SLC24A2: variants seen among roughly 807,000 people sequenced by gnomAD.
SLC24A2 encodes sodium/potassium/calcium exchanger 2.
A neutral mutation model predicts 62.0 loss-of-function variants in SLC24A2; 36 were observed. That is an observed-to-expected ratio of 0.58 (90% CI 0.44 to 0.77). The LOEUF (loss-of-function observed/expected upper bound fraction) is 0.77, where lower values mean the gene tolerates loss of function less well. Among genes scored for constraint, SLC24A2 ranks in the 30% least tolerant of loss-of-function variants. The probability of loss-of-function intolerance (pLI) is 0.00; values close to 1 mark genes in which losing one functional copy is unlikely to be tolerated. For missense variants in SLC24A2, 846 were observed against 817.9 expected (o/e 1.03, Z -0.42); for synonymous variants, 358 against 294.0 (o/e 1.22, Z -2.23).
the SLC24A2 span, among the ~76,000 whole-genome samples, chr9:20,055,084 C>T: frequency 2.0e-5 from 3 of 152,124 alleles, no homozygotes; most frequent in Non-Finnish European, 4.4e-5. Context: ...ATTTGAGGGG[C>T]AGGAATGTAT....
At chr9:19,689,270 A>G (rs141019079) in intron 2 of SLC24A2, among the ~76,000 whole-genome samples, 27 of 152,284 alleles carry the variant, frequency 1.8e-4, no homozygotes, top group African/African-American at 6.5e-4. Context: ...CTCCCGAAGA[A>G]GGAAAAAAAG....
At chr9:19,607,175 C>T (rs1041437982) in intron 4 of SLC24A2, among the ~76,000 whole-genome samples, 4 of 152,140 alleles carry the variant, frequency 2.6e-5, no homozygotes, top group South Asian at 4.1e-4. Flanking sequence ...ATACACATTT[C>T]GAATAGGAAG....
At chr9:20,214,967 A>G in the SLC24A2 span, among the ~76,000 whole-genome samples, 1 of 152,256 alleles carries the variant, frequency 6.6e-6, no homozygotes, top group South Asian at 2.1e-4. Flanking sequence ...ATCCCTGTAC[A>G]TCTAATTCTA....
At chr9:19,685,570 T>C (rs1819856492) in intron 2 of SLC24A2, among the ~76,000 whole-genome samples, 1 of 151,698 alleles carries the variant, frequency 6.6e-6, no homozygotes, top group Non-Finnish European at 1.5e-5. Flanking sequence ...CATAGATCTA[T>C]GGACACATAG....
the SLC24A2 span, among the ~76,000 whole-genome samples, chr9:20,083,624 T>C: frequency 6.6e-6 from 1 of 152,238 alleles, no homozygotes; most frequent in Non-Finnish European, 1.5e-5. Context: ...TACCATTTAG[T>C]AGCATTTAGA....
chr9:20,086,914 T>A, the SLC24A2 span, among the ~76,000 whole-genome samples: 2 of 152,250 alleles, frequency 1.3e-5, no homozygotes, highest in Non-Finnish European at 2.9e-5. Context: ...TTTGAGTTTT[T>A]GACACACAGG....
intron 4 of SLC24A2, among the ~76,000 whole-genome samples, chr9:19,619,196 C>CT (rs1215841042): frequency 6.6e-6 from 1 of 152,198 alleles, no homozygotes; most frequent in African/African-American, 2.4e-5. Context: ...CTTTTTCTCT[C>CT]TTTTTTAAGG....
At chr9:20,237,482 G>C in the SLC24A2 span, among the ~76,000 whole-genome samples, 4 of 152,190 alleles carry the variant, frequency 2.6e-5, no homozygotes, top group African/African-American at 9.7e-5. Context: ...TCTCAAAGCT[G>C]TTCCTAGGGA....
chr9:20,162,663 C>T, the SLC24A2 span, among the ~76,000 whole-genome samples: 1 of 151,940 alleles, frequency 6.6e-6, no homozygotes, highest in Non-Finnish European at 1.5e-5. Flanking sequence ...CAAAGCTGGG[C>T]AGAGACACAA....
At chr9:20,008,827 C>A in the SLC24A2 span, among the ~76,000 whole-genome samples, 805 of 152,238 alleles carry the variant, frequency 5.3e-3, 5 homozygotes, top group Admixed American at 0.01. Flanking sequence ...CTTCAGTTTC[C>A]CAGTTCAGAA....
At chr9:19,731,079 C>A (rs990425666) in intron 2 of SLC24A2, among the ~76,000 whole-genome samples, 13 of 152,110 alleles carry the variant, frequency 8.5e-5, no homozygotes, top group African/African-American at 3.1e-4. Context: ...AACTAGTATA[C>A]AACATAAGGC....
intron 2 of SLC24A2, among the ~76,000 whole-genome samples, chr9:19,737,522 A>G (rs1396861597): frequency 6.6e-6 from 1 of 152,150 alleles, no homozygotes; most frequent in Non-Finnish European, 1.5e-5. Flanking sequence ...TCTCGTTACA[A>G]TAAGATATCC....
chr9:19,513,178 A>G lies in SLC24A2; in HGVS notation c.*2975T>C, dbSNP rs571849868. 9.0e-4 allele frequency: 97 copies of G among 108,202 alleles called. 2 individuals carry two copies. The highest frequency in any genetic ancestry group is 4.8e-3 in the Middle Eastern group (1 of 208). 6.7% of individuals were successfully genotyped at this position (108,202 alleles called of 1,614,324 possible). A position where few individuals can be genotyped will look rare whatever the true frequency, so the allele number is the denominator to read the frequency against. ...GATATATATATATATATATATATGT[A>G]TATATATATATATGTATATATTTAT... On this transcript the variant is annotated 3_prime_UTR_variant, in exon 11 of 11. Transcript: ENST00000341998.
intron 2 of SLC24A2, among the ~76,000 whole-genome samples, chr9:19,716,817 CTTTT>C (rs1820874524): frequency 6.6e-6 from 1 of 152,034 alleles, no homozygotes; most frequent in African/African-American, 2.4e-5. Flanking sequence ...TTTTATCTTT[CTTTT>C]GTCTTGGCCA....
At position 19,599,722 on chromosome 9, in the gene SLC24A2, T is replaced by C. The variant is rs1185037357; in HGVS notation, c.1079-2443A>G. On this transcript the variant is annotated intron_variant, in intron 4 of 10. Transcript: ENST00000341998. This position sits in a 1 kb window ranked among gnomAD's most constrained non-coding sequence, Gnocchi z 4.5. ...TGACATGCGACTAGGACAAAAAGCA[T>C]GCATGCATAAACCAGAGCTCATCAT... Among the ~76,000 whole-genome samples the C allele has an allele frequency of 6.6e-6, 1 of 152,138 alleles. No homozygotes were observed. The highest frequency in any genetic ancestry group is 1.9e-4 in the East Asian group (1 of 5,192).
chr9:19,726,534 T>C (rs1202962326), intron 2 of SLC24A2, among the ~76,000 whole-genome samples: 6 of 152,126 alleles, frequency 3.9e-5, no homozygotes, highest in South Asian at 4.1e-4. Flanking sequence ...GAAGAGAAGG[T>C]TGTGATTGGC....
chr9:19,560,289 GTTT>G, intron 7 of SLC24A2, among the ~76,000 whole-genome samples: 5 of 149,552 alleles, frequency 3.3e-5, no homozygotes, highest in African/African-American at 1.2e-4. Context: ...TAGACTGAAA[GTTT>G]ATGAGCCCGC....
At chr9:20,096,360 C>A in the SLC24A2 span, among the ~76,000 whole-genome samples, 1 of 152,050 alleles carries the variant, frequency 6.6e-6, no homozygotes, top group South Asian at 2.1e-4. Flanking sequence ...ATATGTATCA[C>A]TGATTATTGA....
chr9:19,651,545 A>G lies in SLC24A2; in HGVS notation c.931-29246T>C, dbSNP rs181214645. ...AGGAAATATGGTTTGCTGCTGGGGA[A>G]CCCCCCACGCCCACCATCATCAATT... On this transcript the variant is annotated intron_variant, in intron 2 of 10. Transcript: ENST00000341998. Among the ~76,000 whole-genome samples the G allele has an allele frequency of 2.8e-5, 4 of 141,078 alleles. No individual in the cohort carries two copies. In the East Asian group the frequency reaches 9.6e-4, roughly 34 times the overall value. 92.6% of individuals were successfully genotyped at this position (141,078 alleles called of 152,430 possible).
Sources: allele counts gnomAD v4.1 joint callset (sites outside exome capture counted in the v4.1 genomes callset), GRCh38; gene constraint gnomAD v4.1.1; non-coding constraint Gnocchi (gnomAD v3.1); transcripts MANE v1.5; gene names NCBI Gene and HGNC (gene_info 2026-07-23, HGNC 2026-07-21).